The following AFF3 variants were observed in gnomAD, a reference collection of about 807,000 sequenced individuals.
The protein encoded by AFF3 is ALF transcription elongation factor 3.
Under a neutral mutation model 129.7 loss-of-function variants are expected in AFF3, and 32 were observed. The ratio of observed to expected loss-of-function variants is 0.25; its 90% CI spans 0.19 to 0.33. AFF3 has a LOEUF of 0.33. Ranked by LOEUF, AFF3 falls within the 10% of genes least tolerant of loss-of-function variation. The probability of loss-of-function intolerance (pLI) is 1.00; values close to 1 mark genes in which losing one functional copy is unlikely to be tolerated. For synonymous variants in AFF3, 644 were observed against 635.4 expected (o/e 1.01, Z -0.20); for missense variants, 1,373 against 1,592.0 (o/e 0.86, Z 2.34).
intron 12 of AFF3, among the ~76,000 whole-genome samples, chr2:99,669,655 A>G (rs1271402065): frequency 6.6e-6 from 1 of 152,200 alleles, no homozygotes; most frequent in Non-Finnish European, 1.5e-5. Context: ...TCATTTTTAA[A>G]GACATATCAT....
intron 4 of AFF3, among the ~76,000 whole-genome samples, chr2:100,052,918 T>C (rs1686465088): frequency 6.6e-6 from 1 of 152,146 alleles, no homozygotes; most frequent in African/African-American, 2.4e-5. Context: ...TTTAACACAC[T>C]TGTAATAATT....
At chr2:99,592,937 C>CCG (rs771725764) in intron 15 of AFF3, among the ~76,000 whole-genome samples, 1 of 88,504 alleles carries the variant, frequency 1.1e-5, no homozygotes, top group South Asian at 5.4e-4. Context: ...CTCCCTCCCC[C>CCG]CCCCCCAAAA....
intron 11 of AFF3, among the ~76,000 whole-genome samples, chr2:99,673,686 T>C (rs1687365490): frequency 6.6e-6 from 1 of 152,198 alleles, no homozygotes; most frequent in Non-Finnish European, 1.5e-5. Flanking sequence ...TGAAGCCAGC[T>C]TCCAAAGGCT....
chr2:99,990,386 G>T (rs148050103), intron 7 of AFF3, among the ~76,000 whole-genome samples: 1 of 152,062 alleles, frequency 6.6e-6, no homozygotes, highest in East Asian at 1.9e-4. Context: ...GAGTGAACAC[G>T]ATCTAATTGT....
chr2:99,949,038 G>C (rs1675902909), intron 7 of AFF3, among the ~76,000 whole-genome samples: 2 of 152,206 alleles, frequency 1.3e-5, no homozygotes. Flanking sequence ...CAGGGCACAA[G>C]GGGTAAATCC....
intron 8 of AFF3, among the ~76,000 whole-genome samples, chr2:99,835,069 A>C (rs77962501): frequency 6.6e-6 from 1 of 151,980 alleles, no homozygotes; most frequent in African/African-American, 2.4e-5. Flanking sequence ...CCCGCAAACC[A>C]GGATCTTCCC....
rs1396566414 is a variant in AFF3, at chr2:99,594,046, C to T, written c.1615G>A (p.Ala539Thr). ...TGCTTCACGCCTTTACTCCCAGGGG[C>T]CTTGTTGGCTGTCCTTGGCCTTTGC... Reference protein sequence around the residue: ...EEQRPRTANKAPGSKGVKQKS... With the variant: ...EEQRPRTANKTPGSKGVKQKS... Residue 539 changes from alanine (A) to threonine (T), a missense_variant, in exon 15 of 25, where the codon GCC becomes ACC. By Grantham distance (58) the Ala-to-Thr change is moderately conservative. Coordinates refer to ENST00000672756, the MANE Select transcript of AFF3 (RefSeq NM_001386135.1). The T allele has an allele frequency of 6.2e-7, 1 of 1,611,050 alleles. No homozygotes were observed. Among genetic ancestry groups the T allele is most frequent in the Non-Finnish European group, 8.5e-7 (1 of 1,178,066 alleles).
At chr2:99,932,738 C>T (rs967922604) in intron 7 of AFF3, among the ~76,000 whole-genome samples, 4 of 151,910 alleles carry the variant, frequency 2.6e-5, no homozygotes, top group African/African-American at 9.7e-5. Flanking sequence ...AAATGCTCCA[C>T]AACATCAGTT....
chr2:100,032,159 G>T (rs116545531), intron 4 of AFF3, among the ~76,000 whole-genome samples: 357 of 152,310 alleles, frequency 2.3e-3, no homozygotes, highest in Admixed American at 4.2e-3. Context: ...AGGTATGGTG[G>T]CTCACGCCTG....
chr2:99,708,070 A>G (rs1420394687), intron 11 of AFF3, among the ~76,000 whole-genome samples: 3 of 152,230 alleles, frequency 2.0e-5, no homozygotes, highest in Non-Finnish European at 2.9e-5. Context: ...AATTTTTAGC[A>G]TAAGTATGTC....
chr2:100,106,968 G>A (rs986769064), intron 2 of AFF3: 4 of 985,326 alleles, frequency 4.1e-6, no homozygotes, highest in Admixed American at 1.2e-4. Context: ...GCAGATTTAC[G>A]TTTGAATTTA....
chr2:99,825,072 A>T (rs1271860254), intron 8 of AFF3, among the ~76,000 whole-genome samples: 2 of 152,208 alleles, frequency 1.3e-5, no homozygotes. Flanking sequence ...CAATACTTAC[A>T]TTCCACTGAA....
chr2:100,056,894 C>T (rs1686833215), intron 4 of AFF3, among the ~76,000 whole-genome samples: 1 of 152,128 alleles, frequency 6.6e-6, no homozygotes, highest in Non-Finnish European at 1.5e-5. Flanking sequence ...CCTCTTTACT[C>T]TGAAAAGTGT....
At chr2:100,103,425 T>C (rs1250155961) in intron 4 of AFF3, among the ~76,000 whole-genome samples, 4 of 149,614 alleles carry the variant, frequency 2.7e-5, no homozygotes, top group Non-Finnish European at 5.9e-5. Flanking sequence ...CCCGTAAATA[T>C]TAAACATAAC....
chr2:99,835,036 A>T (rs1213772697), intron 8 of AFF3, among the ~76,000 whole-genome samples: 1 of 152,174 alleles, frequency 6.6e-6, no homozygotes, highest in Admixed American at 6.5e-5. Context: ...ATGCTCAAAA[A>T]TGAATTTATG....
At chr2:99,881,642 C>A (rs778403152) in intron 7 of AFF3, among the ~76,000 whole-genome samples, 1 of 152,000 alleles carries the variant, frequency 6.6e-6, no homozygotes, top group South Asian at 2.1e-4. Flanking sequence ...ATGTTTGATC[C>A]GGAAAATCTG....
At position 99,810,759 on chromosome 2, in the gene AFF3, A is replaced by T. The variant is rs141063370; in HGVS notation, c.921+26718T>A. 4.5e-3 allele frequency among the ~76,000 whole-genome samples: 682 copies of T among 152,316 alleles called. 3 individuals carry two copies. Among genetic ancestry groups the T allele is most frequent in the African/African-American group, 0.016 (648 of 41,576 alleles). On this transcript the variant is annotated intron_variant, in intron 8 of 24. Coordinates refer to ENST00000672756, the MANE Select transcript of AFF3 (RefSeq NM_001386135.1). The stretch of plus-strand genomic sequence containing the variant: ...TTTGACCGCTAAAAGTTTAAAATGC[A>T]TGAAAACCAAGGTGCTAGCAAGACC...
chr2:99,727,915 C>A (rs1422959783), intron 10 of AFF3, among the ~76,000 whole-genome samples: 1 of 152,070 alleles, frequency 6.6e-6, no homozygotes, highest in Non-Finnish European at 1.5e-5. Context: ...TCCCAAGATC[C>A]CCCTATTTTA....
intron 11 of AFF3, among the ~76,000 whole-genome samples, chr2:99,676,236 AG>A (rs1687593123): frequency 6.6e-6 from 1 of 152,002 alleles, no homozygotes; most frequent in African/African-American, 2.4e-5. Context: ...GATCCCTCCC[AG>A]GGGATGAAGC....
Sources: allele counts gnomAD v4.1 joint callset (sites outside exome capture counted in the v4.1 genomes callset), GRCh38; gene constraint gnomAD v4.1.1; transcripts MANE v1.5; gene names NCBI Gene and HGNC (gene_info 2026-07-23, HGNC 2026-07-21).